Variants in ABCF2 observed in about 807,000 individuals in gnomAD.
The protein encoded by ABCF2 is ATP binding cassette subfamily F member 2.
In ABCF2, 37 loss-of-function variants were observed where a neutral mutation model predicts 76.9. That is an observed-to-expected ratio of 0.48 (90% CI 0.37 to 0.63). The LOEUF (loss-of-function observed/expected upper bound fraction) is 0.63. Among genes scored for constraint, ABCF2 ranks in the 30% least tolerant of loss-of-function variants. The probability of loss-of-function intolerance (pLI) is 0.00; values close to 1 mark genes in which losing one functional copy is unlikely to be tolerated. For missense variants in ABCF2, 524 were observed against 782.1 expected (o/e 0.67, Z 3.94); for synonymous variants, 299 against 283.7 (o/e 1.05, Z -0.54).
At position 151,213,837 on chromosome 7, in the gene ABCF2, C is replaced by T. The variant is rs1453592016; in HGVS notation, c.*217G>A. 6.5e-6 allele frequency: 9 copies of T among 1,390,038 alleles called. No individual in the cohort carries two copies. Among genetic ancestry groups the T allele is most frequent in the Non-Finnish European group, 6.5e-6 (7 of 1,077,750 alleles). 86.1% of individuals were successfully genotyped at this position (1,390,038 alleles called of 1,614,324 possible). ...ACGGCCAGCCGAGTCCAGACATGGA[C>T]AGATGTAACTGGAAGGAGGACAGGA... On this transcript the variant is annotated 3_prime_UTR_variant, in exon 15 of 15. Coordinates refer to ENST00000287844, the MANE Select transcript of ABCF2 (RefSeq NM_007189.3).
chr7:151,225,223 C>G (rs1234951290), intron 2 of ABCF2, among the ~76,000 whole-genome samples: 3 of 152,188 alleles, frequency 2.0e-5, no homozygotes, highest in Admixed American at 6.5e-5. Context: ...ACTACTGTGG[C>G]CAGGAATAAA....
intron 3 of ABCF2, 78 bp from the exon 4 acceptor site, chr7:151,224,192 C>T: frequency 7.1e-7 from 1 of 1,403,774 alleles, no homozygotes; most frequent in Non-Finnish European, 9.8e-7. Context: ...CCACCCCAGT[C>T]AAACTGGGAC....
chr7:151,221,635 C>A lies in ABCF2; in HGVS notation c.864G>T (p.Leu288=). ...GAATGATATTGGTACAGACACCATT[C>A]AGAAAATCCTGGGAATGGGAGACGA... ...LVLVSHSQDF[L]NGVCTNIIHM... is the part of the protein sequence containing the mutation. Residue 288 remains leucine, a synonymous_variant, in exon 7 of 15, where the codon CTG becomes CTT. Transcript: ENST00000287844. 3 of 1,612,550 alleles carry A rather than the reference C, an allele frequency of 1.9e-6. No individual in the cohort carries two copies. Among genetic ancestry groups the A allele is most frequent in the Non-Finnish European group, 1.7e-6 (2 of 1,178,826 alleles).
chr7:151,222,817 T>A (rs927368030), intron 5 of ABCF2, among the ~76,000 whole-genome samples: 1 of 152,128 alleles, frequency 6.6e-6, no homozygotes, highest in African/African-American at 2.4e-5. Flanking sequence ...AAGAGTAGAA[T>A]ACGGGGCTCA....
chr7:151,216,165 A>C, intron 11 of ABCF2, 136 bp from the exon 12 acceptor site: 1 of 718,070 alleles, frequency 1.4e-6, no homozygotes, highest in Non-Finnish European at 2.5e-6. Flanking sequence ...ACCAACTCGC[A>C]CACTGCTATT....
Position 151,223,986 on chromosome 7 carries a change from C to T in ABCF2, c.496G>A (p.Asp166Asn), listed in dbSNP as rs201276351. The change falls in exon 4 of 15, where the codon GAC (aspartate) becomes AAC (asparagine). Residue 166 changes from aspartate to asparagine, a missense_variant. By Grantham distance (23) the Asp-to-Asn change is conservative. Transcript: ENST00000287844. Reference protein sequence around the residue: ...KTPLHCVMEVDTERAMLEKEA... With the variant: ...KTPLHCVMEVNTERAMLEKEA... ...TTCTCCAGCATGGCCCGCTCTGTGT[C>T]GACTTCCATCACACAATGCAAGGGT... 8.5e-5 allele frequency: 138 copies of T among 1,614,038 alleles called. No homozygotes were observed. The highest frequency in any genetic ancestry group is 1.1e-4 in the Non-Finnish European group (131 of 1,180,016).
At chr7:151,226,234 G>T in intron 2 of ABCF2, 71 bp downstream of exon 2, 1 of 1,522,810 alleles carries the variant, frequency 6.6e-7, no homozygotes, top group Non-Finnish European at 8.9e-7. Flanking sequence ...CCAGCATCAA[G>T]ATTCCAACTC....
intron 7 of ABCF2, among the ~76,000 whole-genome samples, chr7:151,221,366 A>AT (rs957364050): frequency 1.3e-5 from 2 of 151,796 alleles, no homozygotes; most frequent in South Asian, 2.1e-4. Flanking sequence ...CGCCTGGCTA[A>AT]TTTTTTTGTA....
At position 151,218,113 on chromosome 7, in the gene ABCF2, TC is replaced by T; in HGVS notation, c.1305del (p.Lys436SerfsTer5). On this transcript the variant is annotated frameshift_variant, in exon 11 of 15. Coordinates refer to ENST00000287844, the MANE Select transcript of ABCF2 (RefSeq NM_007189.3). Reference sequence around the variant, plus strand: ...GTTAGCAGCTTCAGAAGAGTTGACTTCCCTGCTCCATTGGGCCCTACCAGAG... The same window carrying T: ...GTTAGCAGCTTCAGAAGAGTTGACTTCCTGCTCCATTGGGCCCTACCAGAG... Reference protein sequence around the residue: ...RVALVGPNGAGKSTLLKLLTG... With the variant: ...RVALVGPNGAXKSTLLKLLTG... 6.2e-7 allele frequency: 1 copy of T among 1,614,100 alleles called. No individual in the cohort carries two copies. Among genetic ancestry groups the T allele is most frequent in the Non-Finnish European group, 8.5e-7 (1 of 1,179,962 alleles).
In ABCF2 at chr7:151,223,776, G is replaced by T. The variant is rs146338478; in HGVS notation, c.624C>A (p.Ala208=). Residue 208 remains alanine (A), a synonymous_variant, in exon 5 of 15, where the codon GCC becomes GCA. Transcript: ENST00000287844. ...AACCCAGTCCATGCAAGATCCGCGA[G>T]GCCCTCATCTCTGCCTTGTCGGCAT... ...ELDADKAEMR[A]SRILHGLGFT... 71 of 1,613,966 alleles carry T rather than the reference G, an allele frequency of 4.4e-5. No individual in the cohort carries two copies. The highest frequency in any genetic ancestry group is 3.3e-4 in the Middle Eastern group (2 of 6,062).
At position 151,215,543 on chromosome 7, in the gene ABCF2, GACCC is replaced by G; in HGVS notation, c.1530+57_1530+60del. 1 of 1,602,154 alleles carries G rather than the reference GACCC, an allele frequency of 6.2e-7. No individual in the cohort carries two copies. The highest frequency in any genetic ancestry group is 8.5e-7 in the Non-Finnish European group (1 of 1,174,472). ...CCAGGCTGCCAGGACAGTATCCCCT[GACCC>G]ACCCAGCCACAGTCTGCCAGCTATC... is the stretch of plus-strand genomic sequence containing the variant. On this transcript the variant is annotated intron_variant, in intron 13 of 14. Transcript: ENST00000287844. This position sits in a 1 kb window ranked among gnomAD's most constrained non-coding sequence, Gnocchi z 4.6.
chr7:151,216,077 G>T (rs754278222), intron 11 of ABCF2, 48 bp from the exon 12 acceptor site: 1 of 1,539,484 alleles, frequency 6.5e-7, no homozygotes, highest in South Asian at 1.1e-5. Context: ...AGGAAGCCCA[G>T]TTAGAAACAT....
rs1802043979 is a variant in ABCF2, at chr7:151,211,514, T to C, written c.*2540A>G. ...TTAGAAATATGTATTTTGTGGACTT[T>C]TAAAGCATTATTTAAATTACCAAGG... On this transcript the variant is annotated 3_prime_UTR_variant, in exon 15 of 15. Transcript: ENST00000287844. 2 of 984,178 alleles carry C rather than the reference T, an allele frequency of 2.0e-6. No homozygotes were observed. The highest frequency in any genetic ancestry group is 1.7e-5 in the African/African-American group (1 of 57,340). 61.0% of individuals were successfully genotyped at this position (984,178 alleles called of 1,614,324 possible).
intron 3 of ABCF2, among the ~76,000 whole-genome samples, chr7:151,224,503 G>A (rs1422586083): frequency 6.6e-6 from 1 of 152,154 alleles, no homozygotes; most frequent in Non-Finnish European, 1.5e-5. Context: ...AGAATTTCAG[G>A]TTTTTGGATT....
intron 10 of ABCF2, 116 bp from the exon 11 acceptor site, chr7:151,218,307 G>A (rs562624212): frequency 6.2e-6 from 5 of 800,944 alleles, no homozygotes; most frequent in Non-Finnish European, 8.3e-6. Flanking sequence ...GAGAGTAGCG[G>A]GAGGAAGCAC....
chr7:151,217,283 G>A (rs958786521), intron 11 of ABCF2, among the ~76,000 whole-genome samples: 7 of 152,098 alleles, frequency 4.6e-5, no homozygotes, highest in East Asian at 3.8e-4. Context: ...CCACTGAGAC[G>A]TTCCAAGTAA....
chr7:151,216,176 C>CCTG, intron 11 of ABCF2, 147 bp from the exon 12 acceptor site: 1 of 658,760 alleles, frequency 1.5e-6, no homozygotes, highest in Non-Finnish European at 2.7e-6. Context: ...CACTGCTATT[C>CCTG]TGGCCACTCT....
rs1318384260 is a variant in ABCF2 at position 151,211,964 on chromosome 7, G to C, written c.*2090C>G. ...GATCCTACTCATTTTTCAAGTGAGAGCACACCAATTCCACCTTTCTGGGCA... is the reference window on the plus strand; with the variant it reads ...GATCCTACTCATTTTTCAAGTGAGACCACACCAATTCCACCTTTCTGGGCA... On this transcript the variant is annotated 3_prime_UTR_variant, in exon 15 of 15. Transcript: ENST00000287844. The C allele has an allele frequency of 1.0e-6, 1 of 983,288 alleles. No individual in the cohort carries two copies. The highest frequency in any genetic ancestry group is 6.1e-5 in the Admixed American group (1 of 16,268). The allele number at this position is 983,288 out of a possible 1,614,324, so 60.9% of individuals were successfully genotyped here. A position where few individuals can be genotyped will look rare whatever the true frequency, so the allele number is the denominator to read the frequency against.
In ABCF2 at chr7:151,212,396, G is replaced by C; in HGVS notation, c.*1658C>G. The C allele has an allele frequency of 1.0e-6, 1 of 985,500 alleles. No homozygotes were observed. The allele number at this position is 985,500 out of a possible 1,614,324, so 61.0% of individuals were successfully genotyped here. A position where few individuals can be genotyped will look rare whatever the true frequency, so the allele number is the denominator to read the frequency against. On this transcript the variant is annotated 3_prime_UTR_variant, in exon 15 of 15. Transcript: ENST00000287844. ...AATTTCCTGTATCCCAATAGGAAGA[G>C]AGGTTCACAGACGTTGGTGTGAAAA...
Sources: gnomAD v4.1 joint callset for allele counts (sites outside exome capture counted in the v4.1 genomes callset) on GRCh38, gnomAD v4.1.1 for gene constraint, Gnocchi (gnomAD v3.1) non-coding constraint, MANE v1.5 for transcripts, NCBI Gene and HGNC (gene_info 2026-07-23, HGNC 2026-07-21) for gene names.